TOX: variants seen among roughly 807,000 people sequenced by gnomAD.
TOX encodes thymocyte selection-associated high mobility group box protein TOX.
In TOX, 11 loss-of-function variants were observed where a neutral mutation model predicts 53.7. The ratio of observed to expected loss-of-function variants is 0.20; its 90% confidence interval spans 0.13 to 0.34. The LOEUF (loss-of-function observed/expected upper bound fraction) is 0.34. Ranked by LOEUF, TOX falls within the 10% of genes least tolerant of loss-of-function variation. The pLI is 1.00. For synonymous variants in TOX, 225 were observed against 245.3 expected (o/e 0.92, Z 0.77); for missense variants, 570 against 664.6 (o/e 0.86, Z 1.56).
intron 1 of TOX, among the ~76,000 whole-genome samples, chr8:59,091,019 G>A (rs914510744): frequency 6.6e-5 from 10 of 152,140 alleles, no homozygotes; most frequent in South Asian, 2.1e-4. Flanking sequence ...CTCCAGCGGC[G>A]TTGTCCTCTC....
At chr8:58,942,193 T>C (rs16924314) in intron 2 of TOX, among the ~76,000 whole-genome samples, 15,067 of 152,154 alleles carry the variant, frequency 0.099, 953 homozygotes, top group South Asian at 0.19. Context: ...AATCCACCTA[T>C]AGTAGACCAC....
intron 1 of TOX, among the ~76,000 whole-genome samples, chr8:59,066,937 T>A (rs1775407422): frequency 6.6e-6 from 1 of 152,234 alleles, no homozygotes; most frequent in Admixed American, 6.5e-5. Context: ...GAACCCAGAC[T>A]GGTAAACACA....
chr8:59,083,921 A>G (rs1804460661), intron 1 of TOX, among the ~76,000 whole-genome samples: 1 of 152,196 alleles, frequency 6.6e-6, no homozygotes, highest in Non-Finnish European at 1.5e-5. Flanking sequence ...CTTTAAGTTA[A>G]AAATACTGTT....
intron 4 of TOX, among the ~76,000 whole-genome samples, chr8:58,840,607 T>G (rs953805144): frequency 2.0e-5 from 3 of 152,162 alleles, no homozygotes; most frequent in Non-Finnish European, 1.5e-5. Flanking sequence ...AGTCACACCC[T>G]CTGAACTCTT....
intron 1 of TOX, among the ~76,000 whole-genome samples, chr8:59,031,491 C>G (rs959825849): frequency 1.3e-5 from 2 of 152,124 alleles, no homozygotes; most frequent in Admixed American, 6.6e-5. Flanking sequence ...AATTAGGGAA[C>G]AAAAAGATGG....
intron 5 of TOX, among the ~76,000 whole-genome samples, chr8:58,829,547 G>C (rs1810418930): frequency 1.3e-5 from 2 of 152,132 alleles, no homozygotes; most frequent in South Asian, 4.1e-4. Context: ...CATTTCAGAA[G>C]GTAGATTCCT....
At chr8:58,831,561 T>G (rs1262816609) in intron 5 of TOX, among the ~76,000 whole-genome samples, 2 of 152,200 alleles carry the variant, frequency 1.3e-5, no homozygotes, top group African/African-American at 4.8e-5. Context: ...AACAGGTATA[T>G]GGTAAAACCA....
At chr8:58,807,904 A>T in intron 8 of TOX, 121 bp from the exon 9 acceptor site, 1 of 1,368,138 alleles carries the variant, frequency 7.3e-7, no homozygotes, top group Admixed American at 1.8e-5. Flanking sequence ...GGGAAACTGC[A>T]ATTAGTTAAC....
intron 1 of TOX, among the ~76,000 whole-genome samples, chr8:59,033,658 G>A (rs1427163342): frequency 6.6e-6 from 1 of 152,146 alleles, no homozygotes; most frequent in African/African-American, 2.4e-5. Context: ...TATGAGTTAG[G>A]ACAGTCTATC....
intron 3 of TOX, among the ~76,000 whole-genome samples, chr8:58,901,892 T>C (rs890596615): frequency 6.6e-6 from 1 of 152,190 alleles, no homozygotes; most frequent in East Asian, 1.9e-4. Context: ...ATAGGTATAG[T>C]AGTGACATTC....
At chr8:59,108,154 C>CT (rs1224010421) in intron 1 of TOX, among the ~76,000 whole-genome samples, 1 of 152,192 alleles carries the variant, frequency 6.6e-6, no homozygotes, top group African/African-American at 2.4e-5. Context: ...AATGTGTACA[C>CT]TTTTACAGAG....
At chr8:59,110,526 A>G (rs559030286) in intron 1 of TOX, among the ~76,000 whole-genome samples, 1 of 152,258 alleles carries the variant, frequency 6.6e-6, no homozygotes, top group African/African-American at 2.4e-5. Flanking sequence ...AATCTTGCAC[A>G]TTATATTTCA....
chr8:58,921,119 C>T (rs765593005), intron 3 of TOX, among the ~76,000 whole-genome samples: 4 of 152,146 alleles, frequency 2.6e-5, no homozygotes, highest in East Asian at 1.9e-4. Context: ...CAGAGGGCTG[C>T]GTCATGAAGT....
chr8:58,973,989 G>C (rs1813048748), intron 1 of TOX, among the ~76,000 whole-genome samples: 1 of 151,922 alleles, frequency 6.6e-6, no homozygotes, highest in South Asian at 2.1e-4. Flanking sequence ...GTAGGGATGG[G>C]GTTTCACCAT....
intron 1 of TOX, among the ~76,000 whole-genome samples, chr8:59,038,196 G>A (rs146760962): frequency 2.0e-5 from 3 of 152,060 alleles, no homozygotes; most frequent in African/African-American, 4.8e-5. Context: ...ATTACATTTC[G>A]ATCTGTCATA....
At chr8:59,073,836 C>T (rs1283117454) in intron 1 of TOX, among the ~76,000 whole-genome samples, 2 of 152,086 alleles carry the variant, frequency 1.3e-5, no homozygotes, top group Non-Finnish European at 2.9e-5. Flanking sequence ...AAATATAGTC[C>T]TAAATTGTGA....
chr8:58,929,055 A>G (rs1032812976), intron 3 of TOX, among the ~76,000 whole-genome samples: 3 of 152,148 alleles, frequency 2.0e-5, no homozygotes, highest in Admixed American at 6.5e-5. Context: ...TTGCCTATCA[A>G]AAATAAAAAT....
At chr8:58,884,063 G>C (rs886304958) in intron 3 of TOX, among the ~76,000 whole-genome samples, 3 of 152,080 alleles carry the variant, frequency 2.0e-5, no homozygotes, top group Non-Finnish European at 4.4e-5. Flanking sequence ...CAAACCACCA[G>C]GGTCCAGCTG....
chr8:58,902,986 G>A (rs1811754777), intron 3 of TOX, among the ~76,000 whole-genome samples: 3 of 152,114 alleles, frequency 2.0e-5, no homozygotes, highest in Admixed American at 1.3e-4. Flanking sequence ...AATCTTGGCT[G>A]GCAGCCCAGC....
Sources: allele counts gnomAD v4.1 joint callset (sites outside exome capture counted in the v4.1 genomes callset), GRCh38; gene constraint gnomAD v4.1.1; transcripts MANE v1.5; gene names NCBI Gene and HGNC (gene_info 2026-07-23, HGNC 2026-07-21).